Variants in IQGAP3 observed in about 807,000 individuals in gnomAD.
IQGAP3 encodes the protein ras GTPase-activating-like protein IQGAP3.
In IQGAP3, 165 loss-of-function variants were observed where a neutral mutation model predicts 208.2. That is an observed-to-expected ratio of 0.79 (90% confidence interval 0.70 to 0.90). The LOEUF is 0.90. Among genes scored for constraint, IQGAP3 ranks in the 40% least tolerant of loss-of-function variants. The pLI, the probability that IQGAP3 is intolerant of heterozygous loss-of-function variation, is 0.00. For synonymous variants in IQGAP3, 703 were observed against 803.6 expected, an observed-to-expected ratio of 0.87 and a Z score of 2.12; for missense variants, 1,811 against 2,043.1, an observed-to-expected ratio of 0.89 and a Z score of 2.19.
chr1:156,539,050 CAT>C lies in IQGAP3; in HGVS notation c.3057-19_3057-18del. The stretch of plus-strand genomic sequence containing the variant: ...ACCTTTGACCTGTGGTTTAAGAGGT[CAT>C]TGAAACCAGTCTTCTGCCTCTGTGT... On this transcript the variant is annotated intron_variant, in intron 25 of 37. Transcript: ENST00000361170. The C allele has an allele frequency of 6.2e-7, 1 of 1,603,504 alleles. No homozygotes were observed. Among genetic ancestry groups the C allele is most frequent in the South Asian group, 1.1e-5 (1 of 90,106 alleles).
At chr1:156,540,616 G>GA in intron 23 of IQGAP3, 92 bp downstream of exon 23, 2 of 1,194,510 alleles carry the variant, frequency 1.7e-6, no homozygotes, top group Non-Finnish European at 2.4e-6. Context: ...ACAACATTTT[G>GA]AAAAAAATTG....
At chr1:156,567,698 T>G (rs1039545252) in intron 2 of IQGAP3, among the ~76,000 whole-genome samples, 4 of 76,350 alleles carry the variant, frequency 5.2e-5, no homozygotes, top group Admixed American at 1.8e-4. Context: ...TTTTCCTGAT[T>G]GCCCCATCCT....
chr1:156,537,625 A>C (rs941428525), intron 26 of IQGAP3, among the ~76,000 whole-genome samples: 1 of 152,144 alleles, frequency 6.6e-6, no homozygotes, highest in Admixed American at 6.5e-5. Flanking sequence ...CGCTGCAAAT[A>C]GTCTTTGGGA....
At chr1:156,566,606 A>C in intron 2 of IQGAP3, 60 bp from the exon 3 acceptor site, 1 of 1,539,134 alleles carries the variant, frequency 6.5e-7, no homozygotes, top group Middle Eastern at 1.7e-4. Context: ...TTATTCTAAC[A>C]ACAGGAACTT....
chr1:156,565,161 T>C (rs1358970546), intron 4 of IQGAP3, among the ~76,000 whole-genome samples: 1 of 152,134 alleles, frequency 6.6e-6, no homozygotes, highest in African/African-American at 2.4e-5. Context: ...ACCACAAAAG[T>C]GTCAGGCTGT....
Position 156,526,348 on chromosome 1 carries a change from GC to G in IQGAP3, c.*137del. ...TGGCCAGGCAGGCAAGCTCCTCCCA[GC>G]TGGGGAAGGGGTGAGAATCCCTGGG... On this transcript the variant is annotated 3_prime_UTR_variant, in exon 38 of 38. Coordinates refer to ENST00000361170, the MANE Select transcript of IQGAP3 (RefSeq NM_178229.5). 5 of 646,966 alleles carry G rather than the reference GC, an allele frequency of 7.7e-6. No homozygotes were observed. In the South Asian group the frequency reaches 9.1e-5, roughly 12 times the overall value. The allele number at this position is 646,966 out of a possible 1,614,324, so 40.1% of individuals were successfully genotyped here.
In IQGAP3 at chr1:156,554,618, C is replaced by T. The variant is rs1455906853; in HGVS notation, c.1291-226G>A. Among the ~76,000 whole-genome samples the T allele has an allele frequency of 4.6e-5, 7 of 152,264 alleles. No individual in the cohort carries two copies. The East Asian group carries it at 7.7e-4, about 17-fold the overall frequency. On this transcript the variant is annotated intron_variant, in intron 12 of 37. Transcript: ENST00000361170. Reference sequence around the variant, plus strand: ...TTATCATTTAATTTTCATAATAAGCCGACAATAGAACCATAGTACCATTAA... The same window carrying T: ...TTATCATTTAATTTTCATAATAAGCTGACAATAGAACCATAGTACCATTAA...
chr1:156,540,744 C>T lies in IQGAP3; in HGVS notation c.2703G>A (p.Lys901=). The part of the protein sequence containing the change: ...LEQDLNIMDI[K]IGLLVKNRIT... ...TCCGGTTCTTCACCAGCAGGCCAAT[C>T]TTGATGTCCATGATGTTGAGGTCCT... The change falls in exon 23 of 38, where the codon AAG becomes AAA. Residue 901 remains lysine, a synonymous_variant. Coordinates refer to ENST00000361170, the MANE Select transcript of IQGAP3 (RefSeq NM_178229.5). 1 of 1,614,162 alleles carries T rather than the reference C, an allele frequency of 6.2e-7. No individual in the cohort carries two copies. The highest frequency in any genetic ancestry group is 8.5e-7 in the Non-Finnish European group (1 of 1,180,038).
At chr1:156,548,870 A>T (rs191191357) in intron 16 of IQGAP3, 122 bp from the exon 17 acceptor site, 786 of 954,880 alleles carry the variant, frequency 8.2e-4, no homozygotes, top group Middle Eastern at 2.1e-3. Context: ...CTGAAGGAGT[A>T]GACGGGAACA....
In IQGAP3 at chr1:156,566,727, G is replaced by A. The variant is rs114747585; in HGVS notation, c.126-181C>T. Among the ~76,000 whole-genome samples, 1,487 of 151,930 alleles carry A rather than the reference G, an allele frequency of 9.8e-3. 29 individuals carry two copies. Among genetic ancestry groups the A allele is most frequent in the African/African-American group, 0.034 (1,403 of 41,414 alleles). On this transcript the variant is annotated intron_variant, in intron 2 of 37. Coordinates refer to ENST00000361170, the MANE Select transcript of IQGAP3 (RefSeq NM_178229.5). The stretch of plus-strand genomic sequence containing the variant: ...CCTGGCTGTTCCCACCTTCTCCTAG[G>A]TTGCCCCAAATATCTGGACTGGCCA...
chr1:156,533,825 C>A lies in IQGAP3; in HGVS notation c.3924G>T (p.Leu1308=). The A allele has an allele frequency of 6.2e-7, 1 of 1,613,352 alleles. No individual in the cohort carries two copies. Among genetic ancestry groups the A allele is most frequent in the Non-Finnish European group, 8.5e-7 (1 of 1,179,584 alleles). The stretch of plus-strand genomic sequence containing the variant: ...CCCCAAGATCCTCCAGGAGCTCATG[C>A]AGGGGGTCTTGGTGATCAGGGGCAA... ...DCIAPDHQDP[L]HELLEDLGEL... Residue 1308 remains leucine, a synonymous_variant, in exon 31 of 38, where the codon CTG becomes CTT. Coordinates refer to ENST00000361170, the MANE Select transcript of IQGAP3 (RefSeq NM_178229.5).
In IQGAP3 at chr1:156,561,923, G is replaced by A. The variant is rs774977793; in HGVS notation, c.956C>T (p.Pro319Leu). ...PEALLKALQD[P>L]ALALRGVRRD... Reference sequence around the variant, plus strand: ...CCTCACCCCTCGCAGGGCCAGGGCAGGGTCTTGAAGGGCCTTGAGCAAGGC... The same window carrying A: ...CCTCACCCCTCGCAGGGCCAGGGCAAGGTCTTGAAGGGCCTTGAGCAAGGC... Residue 319 changes from proline (P) to leucine (L), a missense_variant, in exon 10 of 38, where the codon CCT becomes CTT. By Grantham distance (98) the Pro-to-Leu change is moderately conservative (BLOSUM62 -3). Transcript: ENST00000361170. 1 of 1,614,018 alleles carries A rather than the reference G, an allele frequency of 6.2e-7. No homozygotes were observed. Among genetic ancestry groups the A allele is most frequent in the Non-Finnish European group, 8.5e-7 (1 of 1,179,974 alleles).
chr1:156,569,528 C>CTT (rs34005985), intron 1 of IQGAP3, 65 bp from the exon 2 acceptor site: 27,804 of 137,296 alleles, frequency 0.2, 4,372 homozygotes, highest in East Asian at 0.29. Context: ...ACTGAAGGGT[C>CTT]TTTTTTTTTT....
chr1:156,526,665 C>T (rs905290081), intron 37 of IQGAP3, 66 bp from the exon 38 acceptor site: 15 of 1,085,186 alleles, frequency 1.4e-5, no homozygotes, highest in Non-Finnish European at 2.1e-5. Flanking sequence ...AGATGGTGTA[C>T]AAAACACTCA....
rs1322968688 is a variant in IQGAP3 at position 156,540,628 on chromosome 1, T to G, written c.2739+80A>C. On this transcript the variant is annotated intron_variant, in intron 23 of 37. Transcript: ENST00000361170. ...TCCACAACATTTTGAAAAAAATTGA[T>G]TAGCAAGCAGAGAATGGTCAGCATC... 2.3e-6 allele frequency: 3 copies of G among 1,297,588 alleles called. No homozygotes were observed. The Admixed American group carries it at 5.7e-5, about 25-fold the overall frequency. 80.4% of individuals were successfully genotyped at this position (1,297,588 alleles called of 1,614,324 possible).
intron 26 of IQGAP3, among the ~76,000 whole-genome samples, chr1:156,538,472 G>C (rs1287187778): frequency 6.6e-6 from 1 of 152,186 alleles, no homozygotes; most frequent in African/African-American, 2.4e-5. Context: ...TTACAGGCGT[G>C]AGCCACTATG....
chr1:156,537,421 A>G, intron 26 of IQGAP3, 100 bp from the exon 27 acceptor site: 1 of 1,165,702 alleles, frequency 8.6e-7, no homozygotes, highest in Non-Finnish European at 1.2e-6. Flanking sequence ...ACAAGATCTC[A>G]TACAGATGTG....
intron 26 of IQGAP3, among the ~76,000 whole-genome samples, chr1:156,538,439 T>C (rs571315068): frequency 6.5e-4 from 98 of 151,726 alleles, no homozygotes; most frequent in Non-Finnish European, 1.3e-3. Context: ...TCTGCCCACC[T>C]TGAGCCCCCC....
chr1:156,544,889 C>T (rs773355440), intron 19 of IQGAP3, among the ~76,000 whole-genome samples: 24 of 152,146 alleles, frequency 1.6e-4, no homozygotes, highest in South Asian at 4.1e-4. Flanking sequence ...TCACACACTC[C>T]ACCCTCCCTC....
Sources: gnomAD v4.1 joint callset for allele counts (sites outside exome capture counted in the v4.1 genomes callset) on GRCh38, gnomAD v4.1.1 for gene constraint, MANE v1.5 for transcripts, NCBI Gene and HGNC (gene_info 2026-07-23, HGNC 2026-07-21) for gene names.